The following GRIN3B variants were observed in gnomAD, a reference collection of about 807,000 sequenced individuals.
GRIN3B encodes glutamate ionotropic receptor NMDA type subunit 3B.
GRIN3B carries 77 observed loss-of-function variants against 66.0 expected under a neutral mutation model. That is an observed-to-expected ratio of 1.17 (90% confidence interval 0.97 to 1.41). The LOEUF is 1.41. Among genes scored for constraint, GRIN3B ranks in the 40% most tolerant of loss-of-function variants. The pLI, the probability that GRIN3B is intolerant of heterozygous loss-of-function variation, is 0.00. For synonymous variants in GRIN3B, 823 were observed against 749.7 expected (o/e 1.10, Z -1.60); for missense variants, 1,787 against 1,564.5 (o/e 1.14, Z -2.40).
chr19:1,000,809 G>C lies in GRIN3B; in HGVS notation c.372G>C (p.Glu124Asp). ...LQLHFLAAATETPVLSLLRRE... is the reference protein window; with the variant it reads ...LQLHFLAAATDTPVLSLLRRE... ...TGCACTTCCTGGCGGCGGCCACCGA[G>C]ACCCCCGTGCTCAGCCTGCTGCGGC... Residue 124 changes from glutamate to aspartate, a missense_variant, in exon 1 of 9, where the codon GAG (glutamate) becomes GAC (aspartate). Transcript: ENST00000234389. The C allele has an allele frequency of 6.9e-7, 1 of 1,448,400 alleles. No homozygotes were observed. The highest frequency in any genetic ancestry group is 9.0e-7 in the Non-Finnish European group (1 of 1,107,914). 89.7% of individuals were successfully genotyped at this position (1,448,400 alleles called of 1,614,324 possible). A position where few individuals can be genotyped will look rare whatever the true frequency, so the allele number is the denominator to read the frequency against.
rs373330225 is a variant in GRIN3B at position 1,008,170 on chromosome 19, C to A, written c.2345C>A (p.Pro782Gln). Residue 782 changes from proline (P) to glutamine (Q), a missense_variant, in exon 6 of 9, where the codon CCG becomes CAG. Transcript: ENST00000234389. ...GYGIGLPQNS[P>Q]LTSNLSEFIS... Reference sequence around the variant, plus strand: ...GGGATCGGACTGCCCCAGAACTCGCCGCTCACCTCCAACCTGTCCGAGTTC... The same window carrying A: ...GGGATCGGACTGCCCCAGAACTCGCAGCTCACCTCCAACCTGTCCGAGTTC... 2 of 1,604,884 alleles carry A rather than the reference C, an allele frequency of 1.2e-6. No homozygotes were observed. Among genetic ancestry groups the A allele is most frequent in the African/African-American group, 1.3e-5 (1 of 74,974 alleles).
intron 1 of GRIN3B, among the ~76,000 whole-genome samples, chr19:1,001,308 G>A (rs532575237): frequency 1.3e-5 from 2 of 152,048 alleles, no homozygotes; most frequent in East Asian, 3.9e-4. Flanking sequence ...CCTCACTCTA[G>A]GGGTGCAGTT....
intron 8 of GRIN3B, 60 bp from the exon 9 acceptor site, chr19:1,009,113 A>G (rs1473025039): frequency 5.5e-6 from 8 of 1,442,382 alleles, no homozygotes; most frequent in Non-Finnish European, 7.3e-6. Flanking sequence ...GCCTCTGCAG[A>G]GGCCCAGGGC....
At position 1,009,476 on chromosome 19, in the gene GRIN3B, G is replaced by A. The variant is rs1159659570; in HGVS notation, c.3006G>A (p.Val1002=). 6.7e-7 allele frequency: 1 copy of A among 1,487,096 alleles called. No individual in the cohort carries two copies. The highest frequency in any genetic ancestry group is 2.8e-5 in the East Asian group (1 of 36,080). The allele number at this position is 1,487,096 out of a possible 1,614,324, so 92.1% of individuals were successfully genotyped here. ...GTGAGCGGCTCCGCCAGGCCCTGGT[G>A]CGGCGCGGCCAGCTCCTGGCACAGC... ...VARERLRQAL[V]RRGQLLAQLG... Residue 1002 remains valine, a synonymous_variant, in exon 9 of 9, where the codon GTG becomes GTA. Transcript: ENST00000234389.
Position 1,009,711 on chromosome 19 carries a change from T to A in GRIN3B, c.*109T>A. The A allele has an allele frequency of 1.1e-6, 1 of 935,014 alleles. No homozygotes were observed. The highest frequency in any genetic ancestry group is 1.5e-6 in the Non-Finnish European group (1 of 687,754). The allele number at this position is 935,014 out of a possible 1,614,324, so 57.9% of individuals were successfully genotyped here. On this transcript the variant is annotated 3_prime_UTR_variant, in exon 9 of 9. Transcript: ENST00000234389. ...CACAATTTTGTACACTGCAATTAAA[T>A]AGAATGGAATGAGCGCTCCTCCGCA... is the stretch of plus-strand genomic sequence containing the variant.
At position 1,003,145 on chromosome 19, in the gene GRIN3B, C is replaced by T; in HGVS notation, c.442C>T (p.Gln148Ter). The change falls in exon 2 of 9, where the codon CAG becomes TAG. Residue 148 changes from glutamine to a stop codon, truncating the protein, a stop_gained. Transcript: ENST00000234389. LOFTEE classifies it high-confidence loss of function. Reference sequence around the variant, plus strand: ...CCTCTCCCAGAACCCATTCCACCTGCAGCTGCACTGGGCCAGCCCCCTGGA... The same window carrying T: ...CCTCTCCCAGAACCCATTCCACCTGTAGCTGCACTGGGCCAGCCCCCTGGA... ...PLGAPNPFHL[Q>*]LHWASPLETL... The T allele has an allele frequency of 6.9e-7, 1 of 1,457,260 alleles. No individual in the cohort carries two copies. Among genetic ancestry groups the T allele is most frequent in the Non-Finnish European group, 9.0e-7 (1 of 1,107,160 alleles). The allele number at this position is 1,457,260 out of a possible 1,614,324, so 90.3% of individuals were successfully genotyped here. A position where few individuals can be genotyped will look rare whatever the true frequency, so the allele number is the denominator to read the frequency against.
intron 2 of GRIN3B, among the ~76,000 whole-genome samples, chr19:1,004,128 C>T (rs575405682): frequency 4.6e-5 from 7 of 152,290 alleles, no homozygotes; most frequent in African/African-American, 1.2e-4. Flanking sequence ...CTTAGGTCCC[C>T]GGAAGCAGTG....
chr19:1,000,820 T>G lies in GRIN3B; in HGVS notation c.383T>G (p.Leu128Arg). 6.9e-7 allele frequency: 1 copy of G among 1,442,360 alleles called. No homozygotes were observed. Among genetic ancestry groups the G allele is most frequent in the Non-Finnish European group, 9.1e-7 (1 of 1,103,894 alleles). 89.3% of individuals were successfully genotyped at this position (1,442,360 alleles called of 1,614,324 possible). Residue 128 changes from leucine to arginine, a missense_variant, in exon 1 of 9, where the codon CTC (leucine) becomes CGC (arginine). Coordinates refer to ENST00000234389, the MANE Select transcript of GRIN3B (RefSeq NM_138690.3). ...FLAAATETPV[L>R]SLLRREARAP... ...GCGGCGGCCACCGAGACCCCCGTGC[T>G]CAGCCTGCTGCGGCGGGAGGCGCGC...
chr19:1,003,498 G>C lies in GRIN3B; in HGVS notation c.795G>C (p.Pro265=). Residue 265 remains proline (P), a synonymous_variant, in exon 2 of 9, where the codon CCG becomes CCC. Transcript: ENST00000234389. ...ACTGGCTGTTGGGGACACCACTGCC[G>C]CCCAAGGCCCTGCCCACCGCGGGGC... ...GPHWLLGTPL[P]PKALPTAGLP... 6.5e-7 allele frequency: 1 copy of C among 1,535,390 alleles called. No individual in the cohort carries two copies. The highest frequency in any genetic ancestry group is 8.7e-7 in the Non-Finnish European group (1 of 1,145,750).
chr19:1,005,694 T>A lies in GRIN3B; in HGVS notation c.2052+141T>A. ...TGGTCCCAAGAGACATTTATTCAAT[T>A]AATTTATTTATTTAAAGAAAAATAG... On this transcript the variant is annotated intron_variant, in intron 3 of 8. Coordinates refer to ENST00000234389, the MANE Select transcript of GRIN3B (RefSeq NM_138690.3). This position sits in a 1 kb window ranked among gnomAD's most constrained non-coding sequence, Gnocchi z 5.2. 2 of 673,382 alleles carry A rather than the reference T, an allele frequency of 3.0e-6. No individual in the cohort carries two copies. The highest frequency in any genetic ancestry group is 4.8e-6 in the Non-Finnish European group (2 of 415,136). The allele number at this position is 673,382 out of a possible 1,614,324, so 41.7% of individuals were successfully genotyped here.
In GRIN3B at chr19:1,002,874, C is replaced by CAAA. The variant is rs745599169; in HGVS notation, c.427-248_427-246dup. 2.9e-5 allele frequency: 9 copies of CAAA among 306,464 alleles called. 1 individual carries two copies. Among genetic ancestry groups the CAAA allele is most frequent in the South Asian group, 1.1e-4 (1 of 8,886 alleles). 19.0% of individuals were successfully genotyped at this position (306,464 alleles called of 1,614,324 possible). A position where few individuals can be genotyped will look rare whatever the true frequency, so the allele number is the denominator to read the frequency against. Reference sequence around the variant, plus strand: ...TATTCCATCCGGGGAATGGCACATGCAAAAAAAAAACAAAAAACACCAAGT... The same window carrying CAAA: ...TATTCCATCCGGGGAATGGCACATGCAAAAAAAAAAAAACAAAAAACACCAAGT... On this transcript the variant is annotated intron_variant, in intron 1 of 8. Coordinates refer to ENST00000234389, the MANE Select transcript of GRIN3B (RefSeq NM_138690.3).
chr19:1,005,442 C>T lies in GRIN3B; in HGVS notation c.1941C>T (p.Asn647=). ...PKCPTGRLLM[N]LWAIFCLLVL... is the part of the protein sequence containing the mutation. Reference sequence around the variant, plus strand: ...GCCCCACGGGCCGCCTGCTCATGAACCTCTGGGCCATCTTCTGCCTGCTGG... The same window carrying T: ...GCCCCACGGGCCGCCTGCTCATGAATCTCTGGGCCATCTTCTGCCTGCTGG... The change falls in exon 3 of 9, where the codon AAC becomes AAT. Residue 647 remains asparagine (N), a synonymous_variant. Coordinates refer to ENST00000234389, the MANE Select transcript of GRIN3B (RefSeq NM_138690.3). This position sits in a 1 kb window ranked among gnomAD's most constrained non-coding sequence, Gnocchi z 5.2. 2 of 1,613,584 alleles carry T rather than the reference C, an allele frequency of 1.2e-6. No individual in the cohort carries two copies. Among genetic ancestry groups the T allele is most frequent in the Non-Finnish European group, 1.7e-6 (2 of 1,179,982 alleles).
At chr19:1,008,434 C>T (rs2038786560) in intron 6 of GRIN3B, 143 bp downstream of exon 6, 4 of 1,044,834 alleles carry the variant, frequency 3.8e-6, no homozygotes, top group Non-Finnish European at 5.5e-6. Flanking sequence ...CCTACAAAAC[C>T]CCGGCTGCAG....
chr19:1,001,056 C>CAGAGGA (rs1462342933), intron 1 of GRIN3B, among the ~76,000 whole-genome samples, 193 bp downstream of exon 1: 1 of 152,092 alleles, frequency 6.6e-6, no homozygotes, highest in Admixed American at 6.5e-5. Context: ...AACCAGAACC[C>CAGAGGA]AGAGGAAGAG....
In GRIN3B at chr19:1,004,524, C is replaced by G; in HGVS notation, c.1023C>G (p.Phe341Leu). Reference sequence around the variant, plus strand: ...ACCCCCCCCGCCCTGCCCCTAGGTTCCTGGCCAACACGTCCTTCCAGGGCC... The same window carrying G: ...ACCCCCCCCGCCCTGCCCCTAGGTTGCTGGCCAACACGTCCTTCCAGGGCC... ...PESPGRFLAR[F>L]LANTSFQGRT... The change falls in exon 3 of 9, where the codon TTC (phenylalanine) becomes TTG (leucine). Residue 341 changes from phenylalanine (F) to leucine (L), a missense_variant. Physicochemically the swap from Phe to Leu is conservative, Grantham distance 22. Transcript: ENST00000234389. The G allele has an allele frequency of 3.7e-6, 2 of 547,026 alleles. No individual in the cohort carries two copies. Among genetic ancestry groups the G allele is most frequent in the Non-Finnish European group, 7.0e-6 (2 of 286,162 alleles). The allele number at this position is 547,026 out of a possible 1,614,324, so 33.9% of individuals were successfully genotyped here. A position where few individuals can be genotyped will look rare whatever the true frequency, so the allele number is the denominator to read the frequency against.
At chr19:1,001,433 C>T (rs1310440898) in intron 1 of GRIN3B, among the ~76,000 whole-genome samples, 1 of 151,960 alleles carries the variant, frequency 6.6e-6, no homozygotes, top group Non-Finnish European at 1.5e-5. Context: ...CATTCCCACC[C>T]CCCAACCCCT....
intron 1 of GRIN3B, among the ~76,000 whole-genome samples, chr19:1,001,269 G>A (rs1363207531): frequency 6.6e-6 from 1 of 151,948 alleles, no homozygotes; most frequent in Non-Finnish European, 1.5e-5. Flanking sequence ...GGCTCTGGGT[G>A]GCTGGGCTGG....
Position 1,008,602 on chromosome 19 carries a change from G to A in GRIN3B, c.2467-16G>A, listed in dbSNP as rs1479763409. ...CATTACGTGACCGTGCGGGGCTCCT[G>A]CTGTGTTGCCCCCAGACCCTGCAGA... On this transcript the variant is annotated splice_polypyrimidine_tract_variant and intron_variant, in intron 6 of 8. Coordinates refer to ENST00000234389, the MANE Select transcript of GRIN3B (RefSeq NM_138690.3). 1 of 1,593,096 alleles carries A rather than the reference G, an allele frequency of 6.3e-7. No individual in the cohort carries two copies. Among genetic ancestry groups the A allele is most frequent in the East Asian group, 2.2e-5 (1 of 44,690 alleles).
chr19:1,006,187 C>T lies in GRIN3B; in HGVS notation c.2052+634C>T, dbSNP rs1294357975. Among the ~76,000 whole-genome samples the T allele has an allele frequency of 2.6e-5, 4 of 151,746 alleles. No homozygotes were observed. The South Asian group carries it at 6.2e-4, about 24-fold the overall frequency. ...CTTTTTTGAGACAGTCTTGCTCCAT[C>T]GCCCAGGCTGGAGCGCAGTGGCACG... On this transcript the variant is annotated intron_variant, in intron 3 of 8. Transcript: ENST00000234389.
Sources: gnomAD v4.1 joint callset for allele counts (sites outside exome capture counted in the v4.1 genomes callset) on GRCh38, gnomAD v4.1.1 for gene constraint, Gnocchi (gnomAD v3.1) non-coding constraint, MANE v1.5 for transcripts, NCBI Gene and HGNC (gene_info 2026-07-23, HGNC 2026-07-21) for gene names.